MAGI1: variants seen among roughly 807,000 people sequenced by gnomAD.
MAGI1 encodes membrane-associated guanylate kinase, WW and PDZ domain-containing protein 1.
In MAGI1, 58 loss-of-function variants were observed where a neutral mutation model predicts 139.9. That is an observed-to-expected ratio of 0.41 (90% confidence interval 0.34 to 0.52). The LOEUF is 0.52. Among genes scored for constraint, MAGI1 ranks in the 20% least tolerant of loss-of-function variants. The probability of loss-of-function intolerance (pLI) is 0.12; values close to 1 mark genes in which losing one functional copy is unlikely to be tolerated. For missense variants in MAGI1, 1,874 were observed against 1,901.6 expected (o/e 0.99, Z 0.27); for synonymous variants, 812 against 737.9 (o/e 1.10, Z -1.63).
At chr3:65,564,986 T>G (rs1241795601) in intron 2 of MAGI1, among the ~76,000 whole-genome samples, 2 of 152,254 alleles carry the variant, frequency 1.3e-5, no homozygotes, top group Middle Eastern at 3.4e-3. Flanking sequence ...CAATCGACCT[T>G]CAGTCAAGGC....
chr3:65,744,493 T>G (rs1056423201), intron 1 of MAGI1, among the ~76,000 whole-genome samples: 5 of 152,228 alleles, frequency 3.3e-5, no homozygotes, highest in Non-Finnish European at 5.9e-5. Context: ...GGCACTGTTT[T>G]AAATGAATGA....
At chr3:65,684,001 C>CAAA (rs1235259524) in intron 1 of MAGI1, among the ~76,000 whole-genome samples, 155 of 86,758 alleles carry the variant, frequency 1.8e-3, no homozygotes, top group African/African-American at 5.5e-3. Flanking sequence ...CCCATGTCTA[C>CAAA]AAAAAAAAAA....
At chr3:66,019,100 A>G (rs2067828591) in intron 1 of MAGI1, among the ~76,000 whole-genome samples, 1 of 152,252 alleles carries the variant, frequency 6.6e-6, no homozygotes, top group Non-Finnish European at 1.5e-5. Flanking sequence ...ATTATGGATC[A>G]GATTCCTGCT....
At chr3:65,602,235 C>T (rs2082515912) in intron 2 of MAGI1, among the ~76,000 whole-genome samples, 1 of 152,072 alleles carries the variant, frequency 6.6e-6, no homozygotes. Context: ...CATACATCCA[C>T]ATAAAAACAT....
rs542446356 is a variant in MAGI1 at position 66,027,492 on chromosome 3, T to C, written c.313+10504A>G. On this transcript the variant is annotated intron_variant, in intron 1 of 22. Transcript: ENST00000402939. ...CCCTGCTGTCAAGGCATTTCTAACA[T>C]GGAAACCTAGAGTAAGATTATTGGA... is the stretch of plus-strand genomic sequence containing the variant. 2.7e-4 allele frequency among the ~76,000 whole-genome samples: 41 copies of C among 152,078 alleles called. No individual in the cohort carries two copies. In the South Asian group the frequency reaches 3.9e-3, roughly 15 times the overall value.
chr3:65,499,310 C>A (rs1254126588), intron 2 of MAGI1, among the ~76,000 whole-genome samples: 1 of 152,044 alleles, frequency 6.6e-6, no homozygotes, highest in East Asian at 1.9e-4. Context: ...TATGGTTGAT[C>A]CACCCTTGGG....
chr3:65,419,714 T>G (rs1427115979), intron 12 of MAGI1, among the ~76,000 whole-genome samples: 1 of 152,120 alleles, frequency 6.6e-6, no homozygotes, highest in East Asian at 1.9e-4. Context: ...GGTCAAAAAT[T>G]CTGGGGTCAT....
At chr3:65,795,011 C>T (rs892460852) in intron 1 of MAGI1, among the ~76,000 whole-genome samples, 4 of 152,150 alleles carry the variant, frequency 2.6e-5, no homozygotes, top group Non-Finnish European at 4.4e-5. Context: ...GATACCACCA[C>T]GTACCTATCA....
chr3:65,622,034 C>A lies in MAGI1; in HGVS notation c.368G>T (p.Gly123Val). Residue 123 changes from glycine to valine, a missense_variant, in exon 2 of 23, where the codon GGG becomes GTG. Gly to Val is a moderately radical substitution (Grantham distance 109, BLOSUM62 -3). Around this residue, in one of 5 missense-constraint regions of MAGI1, gnomAD observed 648 missense variants for 598.1 expected, o/e 1.08. Transcript: ENST00000402939. ...CTGCTGGAGCTCATGATCAGGAGACCCCTTCTGGAATCGCTGATTGAGAAA... is the reference window on the plus strand; with the variant it reads ...CTGCTGGAGCTCATGATCAGGAGACACCTTCTGGAATCGCTGATTGAGAAA... ...RHFLNQRFQK[G>V]SPDHELQQTI... 1 of 1,613,966 alleles carries A rather than the reference C, an allele frequency of 6.2e-7. No homozygotes were observed. Among genetic ancestry groups the A allele is most frequent in the Non-Finnish European group, 8.5e-7 (1 of 1,179,980 alleles).
intron 2 of MAGI1, among the ~76,000 whole-genome samples, chr3:65,547,259 G>A (rs769047664): frequency 7.9e-5 from 12 of 152,164 alleles, no homozygotes; most frequent in East Asian, 1.9e-4. Flanking sequence ...ACTTTGCCAC[G>A]TTAATTCAAC....
At chr3:66,002,752 G>A (rs1379055314) in intron 1 of MAGI1, among the ~76,000 whole-genome samples, 1 of 152,092 alleles carries the variant, frequency 6.6e-6, no homozygotes. Flanking sequence ...CTGACCTCAG[G>A]TGATCTGCCC....
At chr3:65,466,054 T>C (rs1246092860) in intron 5 of MAGI1, among the ~76,000 whole-genome samples, 1 of 152,210 alleles carries the variant, frequency 6.6e-6, no homozygotes, top group Non-Finnish European at 1.5e-5. Flanking sequence ...TACTGTATTT[T>C]TCAGTTGAAA....
intron 1 of MAGI1, among the ~76,000 whole-genome samples, chr3:65,675,145 G>C (rs191782591): frequency 3.2e-4 from 49 of 152,276 alleles, no homozygotes; most frequent in African/African-American, 1.1e-3. Flanking sequence ...CAATCACAAT[G>C]TGTGGGCACT....
At chr3:65,395,655 A>AAAAAAAAAAAAAAAAAAAAAAAAAAC in intron 13 of MAGI1, among the ~76,000 whole-genome samples, 1 of 145,306 alleles carries the variant, frequency 6.9e-6, no homozygotes. Flanking sequence ...AAAAAAAAAA[A>AAAAAAAAAAAAAAAAAAAAAAAAAAC]AAGAGGGTGT....
At chr3:65,883,631 G>T (rs1385778231) in intron 1 of MAGI1, among the ~76,000 whole-genome samples, 1 of 152,170 alleles carries the variant, frequency 6.6e-6, no homozygotes, top group African/African-American at 2.4e-5. Context: ...CTATGAAAAA[G>T]AAGTGTTGCT....
chr3:65,964,769 G>T (rs2064652902), intron 1 of MAGI1, among the ~76,000 whole-genome samples: 1 of 152,098 alleles, frequency 6.6e-6, no homozygotes, highest in African/African-American at 2.4e-5. Context: ...CAAATCCTCA[G>T]GCATATCCTA....
At chr3:65,832,597 C>A (rs2042587438) in intron 1 of MAGI1, among the ~76,000 whole-genome samples, 1 of 151,970 alleles carries the variant, frequency 6.6e-6, no homozygotes, top group Non-Finnish European at 1.5e-5. Flanking sequence ...AGCACTCAGC[C>A]CAAAGCTTCT....
intron 13 of MAGI1, among the ~76,000 whole-genome samples, chr3:65,400,623 T>G (rs11713059): frequency 0.043 from 6,602 of 152,144 alleles, 173 homozygotes; most frequent in East Asian, 0.071. Flanking sequence ...TAATTTGTCA[T>G]TAGTGCCCCG....
At chr3:65,871,960 CTT>C (rs1385819003) in intron 1 of MAGI1, among the ~76,000 whole-genome samples, 2 of 152,192 alleles carry the variant, frequency 1.3e-5, no homozygotes, top group African/African-American at 4.8e-5. Context: ...AAGACATTCT[CTT>C]TGTCTGCCTC....
Sources: gnomAD v4.1 joint callset for allele counts (sites outside exome capture counted in the v4.1 genomes callset) on GRCh38, gnomAD v4.1.1 for gene constraint, gnomAD v4.1.1 regional missense constraint, MANE v1.5 for transcripts, NCBI Gene and HGNC (gene_info 2026-07-23, HGNC 2026-07-21) for gene names.